SRD5A2: variants seen among roughly 807,000 people sequenced by gnomAD.
The protein encoded by SRD5A2 is steroid 5 alpha-reductase 2, also known as 3-oxo-5-alpha-steroid 4-dehydrogenase 2.
SRD5A2 carries 30 observed loss-of-function variants against 27.4 expected under a neutral mutation model. That is an observed-to-expected ratio of 1.10 (90% CI 0.82 to 1.49). SRD5A2 has a LOEUF of 1.49. SRD5A2 is among the 40% of genes most tolerant of loss of function. The pLI is 0.00. For missense variants in SRD5A2, 348 were observed against 323.4 expected (o/e 1.08, Z -0.58); for synonymous variants, 141 against 133.6 (o/e 1.06, Z -0.38).
intron 1 of SRD5A2, among the ~76,000 whole-genome samples, chr2:31,571,385 A>G (rs1666846524): frequency 6.6e-6 from 1 of 152,232 alleles, no homozygotes. Context: ...TGAATTAAAG[A>G]CTTAAATGCA....
chr2:31,645,600 A>G, the SRD5A2 span, among the ~76,000 whole-genome samples: 2 of 152,108 alleles, frequency 1.3e-5, no homozygotes, highest in Non-Finnish European at 2.9e-5. Context: ...GTTTATATTC[A>G]CTCTGGTTTT....
At chr2:31,553,482 T>G (rs1666422624) in intron 1 of SRD5A2, among the ~76,000 whole-genome samples, 1 of 152,052 alleles carries the variant, frequency 6.6e-6, no homozygotes. Flanking sequence ...CACATTACAA[T>G]CAAATTGCCA....
chr2:31,534,574 T>G (rs150163985), intron 1 of SRD5A2, among the ~76,000 whole-genome samples: 1 of 152,148 alleles, frequency 6.6e-6, no homozygotes, highest in African/African-American at 2.4e-5. Flanking sequence ...TATATTCATT[T>G]TTCTTTCTTT....
At chr2:31,658,778 C>T in the SRD5A2 span, among the ~76,000 whole-genome samples, 1 of 152,002 alleles carries the variant, frequency 6.6e-6, no homozygotes, top group Non-Finnish European at 1.5e-5. Context: ...ACAGCCAATT[C>T]CTATCAGATG....
upstream of SRD5A2, chr2:31,581,014 C>A: frequency 8.3e-7 from 1 of 1,200,386 alleles, no homozygotes; most frequent in South Asian, 1.6e-5. Flanking sequence ...CCTTGGCTCC[C>A]GCCCCTCCAT....
chr2:31,638,259 G>C, the SRD5A2 span, among the ~76,000 whole-genome samples: 1 of 151,598 alleles, frequency 6.6e-6, no homozygotes, highest in East Asian at 1.9e-4. Context: ...CTTGTTTTTT[G>C]ATTTCTAGTT....
At chr2:31,604,644 A>C in the SRD5A2 span, among the ~76,000 whole-genome samples, 1 of 151,840 alleles carries the variant, frequency 6.6e-6, no homozygotes, top group Admixed American at 6.6e-5. Context: ...CATTGATGAA[A>C]GAAGTTGAAG....
chr2:31,629,705 T>C, the SRD5A2 span, among the ~76,000 whole-genome samples: 1 of 152,260 alleles, frequency 6.6e-6, no homozygotes, highest in South Asian at 2.1e-4. Flanking sequence ...GTTGAGATCA[T>C]GGTGCAGCCA....
chr2:31,599,903 G>A, the SRD5A2 span, among the ~76,000 whole-genome samples: 1 of 151,776 alleles, frequency 6.6e-6, no homozygotes. Flanking sequence ...TTATCCTGTG[G>A]GTTTGTTGTA....
the SRD5A2 span, among the ~76,000 whole-genome samples, chr2:31,598,929 A>C: frequency 6.6e-6 from 1 of 152,042 alleles, no homozygotes; most frequent in African/African-American, 2.4e-5. Flanking sequence ...CAAGAAACAC[A>C]CTTCACCTAT....
chr2:31,612,011 C>A, the SRD5A2 span, among the ~76,000 whole-genome samples: 3 of 152,118 alleles, frequency 2.0e-5, no homozygotes, highest in African/African-American at 7.2e-5. Context: ...AGTGTGGTGG[C>A]TCATTCCTGT....
In SRD5A2 at chr2:31,558,869, G is replaced by A. The variant is rs138388963; in HGVS notation, c.281+21751C>T. Among the ~76,000 whole-genome samples, 672 of 152,174 alleles carry A rather than the reference G, an allele frequency of 4.4e-3. 8 individuals are homozygous for A. Among genetic ancestry groups the A allele is most frequent in the Admixed American group, 0.03 (462 of 15,294 alleles). On this transcript the variant is annotated intron_variant, in intron 1 of 4. Transcript: ENST00000622030. ...TGTGTGAGTACACTCTATGATGTTT[G>A]GACAATGATGAAATCACCTAACAAC...
chr2:31,554,516 C>T (rs1461278377), intron 1 of SRD5A2, among the ~76,000 whole-genome samples: 1 of 152,130 alleles, frequency 6.6e-6, no homozygotes, highest in Non-Finnish European at 1.5e-5. Flanking sequence ...GGAACACTGC[C>T]TCAGGAGAAG....
intron 1 of SRD5A2, among the ~76,000 whole-genome samples, chr2:31,578,176 T>C (rs1463348532): frequency 2.6e-5 from 4 of 152,122 alleles, no homozygotes; most frequent in Non-Finnish European, 5.9e-5. Context: ...TTAGATGTAA[T>C]TATGAGTATT....
the SRD5A2 span, among the ~76,000 whole-genome samples, chr2:31,603,063 A>G: frequency 3.3e-5 from 5 of 152,152 alleles, no homozygotes; most frequent in Non-Finnish European, 5.9e-5. Context: ...AACATTGACA[A>G]ATGTTATCTA....
At chr2:31,655,199 T>G in the SRD5A2 span, among the ~76,000 whole-genome samples, 1 of 152,162 alleles carries the variant, frequency 6.6e-6, no homozygotes, top group Non-Finnish European at 1.5e-5. Flanking sequence ...CCTCCTAGAT[T>G]CAAGTGATTC....
chr2:31,531,261 G>A, intron 3 of SRD5A2, 110 bp downstream of exon 3: 1 of 725,626 alleles, frequency 1.4e-6, no homozygotes, highest in Non-Finnish European at 2.3e-6. Flanking sequence ...AAGCTGAGAG[G>A]TATTGTATCA....
intron 1 of SRD5A2, among the ~76,000 whole-genome samples, chr2:31,542,259 A>G (rs1211939416): frequency 6.6e-6 from 1 of 152,198 alleles, no homozygotes; most frequent in East Asian, 1.9e-4. Context: ...AAAATACTTC[A>G]TGTACCTCAT....
chr2:31,568,725 C>T (rs926108876), intron 1 of SRD5A2, among the ~76,000 whole-genome samples: 5 of 152,180 alleles, frequency 3.3e-5, no homozygotes, highest in African/African-American at 4.8e-5. Context: ...ATCCACATGC[C>T]ATCCATGGTG....
Sources: gnomAD v4.1 joint callset for allele counts (sites outside exome capture counted in the v4.1 genomes callset) on GRCh38, gnomAD v4.1.1 for gene constraint, MANE v1.5 for transcripts, NCBI Gene and HGNC (gene_info 2026-07-23, HGNC 2026-07-21) for gene names.